The following CDC42BPB variants were observed in gnomAD, a reference collection of about 807,000 sequenced individuals.
CDC42BPB encodes CDC42 binding protein kinase beta.
CDC42BPB carries 37 observed loss-of-function variants against 214.9 expected under a neutral mutation model. The ratio of observed to expected loss-of-function variants is 0.17; its 90% CI spans 0.13 to 0.23. The LOEUF (loss-of-function observed/expected upper bound fraction) is 0.23. Among genes scored for constraint, CDC42BPB ranks in the 10% least tolerant of loss-of-function variants. The pLI, the probability that CDC42BPB is intolerant of heterozygous loss-of-function variation, is 1.00. For synonymous variants in CDC42BPB, 931 were observed against 884.0 expected (o/e 1.05, Z -0.94); for missense variants, 1,694 against 2,227.0 (o/e 0.76, Z 4.82).
At chr14:103,056,785 G>C (rs974059193) in intron 1 of CDC42BPB, among the ~76,000 whole-genome samples, 1 of 152,128 alleles carries the variant, frequency 6.6e-6, no homozygotes, top group African/African-American at 2.4e-5. Context: ...GGGATGAAAA[G>C]CTAGCGGAGG....
At chr14:103,037,952 C>T (rs959135861) in intron 1 of CDC42BPB, among the ~76,000 whole-genome samples, 4 of 151,186 alleles carry the variant, frequency 2.6e-5, no homozygotes, top group South Asian at 2.1e-4. Flanking sequence ...TGGTGTGAAC[C>T]CGGGAGACGG....
intron 20 of CDC42BPB, among the ~76,000 whole-genome samples, chr14:102,962,453 A>C (rs924569085): frequency 2.6e-5 from 4 of 152,234 alleles, no homozygotes; most frequent in African/African-American, 9.6e-5. Context: ...GCTGCAGAGG[A>C]GGCCGGGGTG....
At chr14:102,986,900 C>G (rs1021316830) in intron 5 of CDC42BPB, 1 of 167,556 alleles carries the variant, frequency 6.0e-6, no homozygotes, top group Non-Finnish European at 1.2e-5. Flanking sequence ...CACCTATGCA[C>G]GTGACAACGC....
chr14:103,016,578 TG>T (rs796964829), intron 1 of CDC42BPB, among the ~76,000 whole-genome samples: 1 of 115,232 alleles, frequency 8.7e-6, no homozygotes, highest in Non-Finnish European at 1.9e-5. Context: ...TGAGGGAGGG[TG>T]GTCCTCTTGT....
intron 1 of CDC42BPB, among the ~76,000 whole-genome samples, chr14:103,044,802 T>C (rs927715427): frequency 6.0e-5 from 9 of 150,552 alleles, no homozygotes; most frequent in East Asian, 4.0e-4. Context: ...TGAGCCACCG[T>C]GCCCGGCCTC....
intron 1 of CDC42BPB, among the ~76,000 whole-genome samples, chr14:103,037,171 C>T (rs1887710518): frequency 6.6e-6 from 1 of 152,190 alleles, no homozygotes; most frequent in Admixed American, 6.5e-5. Context: ...TGGAAAAAGA[C>T]TAGAACATGC....
At chr14:103,008,763 G>T in intron 2 of CDC42BPB, 1 of 824,104 alleles carries the variant, frequency 1.2e-6, no homozygotes, top group Non-Finnish European at 1.5e-6. Flanking sequence ...GGGCTCCGGA[G>T]TTTCACTCCT....
intron 5 of CDC42BPB, among the ~76,000 whole-genome samples, chr14:102,988,245 G>C (rs1423928053): frequency 6.6e-6 from 1 of 151,940 alleles, no homozygotes; most frequent in Non-Finnish European, 1.5e-5. Flanking sequence ...GGCTAAAGTG[G>C]GAGACAGGCA....
At chr14:103,045,667 T>C (rs1289710395) in intron 1 of CDC42BPB, among the ~76,000 whole-genome samples, 1 of 152,098 alleles carries the variant, frequency 6.6e-6, no homozygotes, top group African/African-American at 2.4e-5. Context: ...CTTCTATTCA[T>C]GGGGGACTCT....
At position 102,975,883 on chromosome 14, in the gene CDC42BPB, C is replaced by T; in HGVS notation, c.1387G>A (p.Glu463Lys). Residue 463 changes from glutamate to lysine, a missense_variant and splice_region_variant, in exon 10 of 37, where the codon GAG (glutamate) becomes AAG (lysine). Around this residue, in one of 7 missense-constraint regions of CDC42BPB, gnomAD observed 462 missense variants for 513.5 expected, o/e 0.90. Transcript: ENST00000361246. ...GCCCCGGAGCCGGCGCTGCCCTCACCTTGCAGCTTCCTGCTCAGCTCCAGC... is the reference window on the plus strand; with the variant it reads ...GCCCCGGAGCCGGCGCTGCCCTCACTTTGCAGCTTCCTGCTCAGCTCCAGC... ...EKLELSRKLQ[E>K]STQTVQSLHG... The T allele has an allele frequency of 6.2e-7, 1 of 1,614,124 alleles. No homozygotes were observed. Among genetic ancestry groups the T allele is most frequent in the Non-Finnish European group, 8.5e-7 (1 of 1,180,014 alleles).
chr14:102,942,066 C>T (rs774195420), intron 30 of CDC42BPB, among the ~76,000 whole-genome samples: 11 of 152,324 alleles, frequency 7.2e-5, no homozygotes, highest in East Asian at 3.9e-4. Flanking sequence ...TTCAACGTTA[C>T]GCTTTGCAAA....
At position 103,028,619 on chromosome 14, in the gene CDC42BPB, T is replaced by G. The variant is rs568698314; in HGVS notation, c.176-16431A>C. Among the ~76,000 whole-genome samples the G allele has an allele frequency of 2.0e-5, 3 of 152,330 alleles. No homozygotes were observed. In the East Asian group the frequency reaches 5.8e-4, roughly 29 times the overall value. On this transcript the variant is annotated intron_variant, in intron 1 of 36. Transcript: ENST00000361246. The stretch of plus-strand genomic sequence containing the variant: ...GTCTGCAGTGCAGCTCAGTGCCTGG[T>G]GCACAGCTGGCGCTCAACAGGTGCA...
intron 1 of CDC42BPB, among the ~76,000 whole-genome samples, chr14:103,045,768 C>A (rs1297702781): frequency 6.6e-6 from 1 of 152,136 alleles, no homozygotes; most frequent in African/African-American, 2.4e-5. Flanking sequence ...GAGTTGAGAG[C>A]TGGGGCGTCT....
At chr14:103,030,555 G>C (rs922783648) in intron 1 of CDC42BPB, among the ~76,000 whole-genome samples, 7 of 152,184 alleles carry the variant, frequency 4.6e-5, no homozygotes, top group Non-Finnish European at 8.8e-5. Context: ...AATTAGCTGA[G>C]TGTGGTGGTG....
At chr14:103,037,016 G>A (rs1471218272) in intron 1 of CDC42BPB, among the ~76,000 whole-genome samples, 1 of 151,846 alleles carries the variant, frequency 6.6e-6, no homozygotes, top group South Asian at 2.1e-4. Flanking sequence ...ACAGGGTTTC[G>A]CTATGCTGCC....
chr14:103,049,400 T>G (rs765742398), intron 1 of CDC42BPB, among the ~76,000 whole-genome samples: 2 of 152,236 alleles, frequency 1.3e-5, no homozygotes, highest in Non-Finnish European at 2.9e-5. Context: ...TAGCACTGAC[T>G]GCTGACACGT....
At chr14:103,033,492 G>T (rs774173603) in intron 1 of CDC42BPB, among the ~76,000 whole-genome samples, 2 of 152,090 alleles carry the variant, frequency 1.3e-5, no homozygotes, top group Non-Finnish European at 2.9e-5. Flanking sequence ...AAAGTGCTGG[G>T]ATTACAGGTG....
chr14:102,973,025 AC>A (rs1438979946), intron 12 of CDC42BPB, among the ~76,000 whole-genome samples: 1 of 152,194 alleles, frequency 6.6e-6, no homozygotes, highest in Admixed American at 6.6e-5. Context: ...CACGCTGATG[AC>A]CCTGACCTCC....
chr14:103,013,873 A>C (rs1262354730), intron 1 of CDC42BPB, among the ~76,000 whole-genome samples: 1 of 152,170 alleles, frequency 6.6e-6, no homozygotes, highest in Non-Finnish European at 1.5e-5. Context: ...CCCCCACAAG[A>C]AGCTCCTAGA....
Sources: allele counts gnomAD v4.1 joint callset (sites outside exome capture counted in the v4.1 genomes callset), GRCh38; gene constraint gnomAD v4.1.1; regional missense constraint gnomAD v4.1.1; transcripts MANE v1.5; gene names NCBI Gene and HGNC (gene_info 2026-07-23, HGNC 2026-07-21).